UGT1A4: variants seen among roughly 807,000 people sequenced by gnomAD.
The protein encoded by UGT1A4 is UDP-glucuronosyltransferase 1A4.
In UGT1A4, 32 loss-of-function variants were observed where a neutral mutation model predicts 41.1. That is an observed-to-expected ratio of 0.78 (90% CI 0.59 to 1.05). The LOEUF (loss-of-function observed/expected upper bound fraction) is 1.05, where lower values mean the gene tolerates loss of function less well. Ranked by LOEUF, UGT1A4 falls within the 50% of genes least tolerant of loss-of-function variation. The probability of loss-of-function intolerance (pLI) is 0.00; values close to 1 mark genes in which losing one functional copy is unlikely to be tolerated. For synonymous variants in UGT1A4, 283 were observed against 265.1 expected (o/e 1.07, Z -0.66); for missense variants, 748 against 677.4 (o/e 1.10, Z -1.16).
intron 1 of UGT1A4, chr2:233,756,022 T>C (rs1696092015): frequency 6.6e-6 from 1 of 152,142 alleles, no homozygotes; most frequent in Non-Finnish European, 1.5e-5. Context: ...ATATTACACA[T>C]CCCCCATGTA....
intron 1 of UGT1A4, among the ~76,000 whole-genome samples, chr2:233,756,699 T>C (rs1393034568): frequency 2.0e-5 from 3 of 152,130 alleles, no homozygotes; most frequent in Non-Finnish European, 4.4e-5. Flanking sequence ...ACGATGAATT[T>C]TGGGGGGACT....
At chr2:233,743,832 T>C in intron 1 of UGT1A4, 4 of 1,367,252 alleles carry the variant, frequency 2.9e-6, no homozygotes, top group South Asian at 2.3e-5. Context: ...GGGTGCCACT[T>C]GAGCGCCAGC....
chr2:233,733,707 C>G (rs1270578849), intron 1 of UGT1A4, among the ~76,000 whole-genome samples: 1 of 152,160 alleles, frequency 6.6e-6, no homozygotes, highest in Non-Finnish European at 1.5e-5. Context: ...ATTTGGTTTG[C>G]AGAATTTTAC....
chr2:233,732,744 C>T (rs1207999893), intron 1 of UGT1A4, among the ~76,000 whole-genome samples: 2 of 150,716 alleles, frequency 1.3e-5, no homozygotes, highest in Non-Finnish European at 2.9e-5. Context: ...TAGCATGATG[C>T]CACCAGCTTT....
chr2:233,747,991 A>G (rs532442400), intron 1 of UGT1A4: 1 of 1,612,870 alleles, frequency 6.2e-7, no homozygotes, highest in Non-Finnish European at 8.5e-7. Context: ...TTCCGAGGGG[A>G]CTTTGTGATG....
At chr2:233,763,561 T>A (rs1698343622) in intron 1 of UGT1A4, among the ~76,000 whole-genome samples, 1 of 152,248 alleles carries the variant, frequency 6.6e-6, no homozygotes, top group Admixed American at 6.5e-5. Context: ...GTCAAGTTAC[T>A]GTTCTTATTT....
At chr2:233,738,547 G>T (rs1209764817) in intron 1 of UGT1A4, among the ~76,000 whole-genome samples, 1 of 152,216 alleles carries the variant, frequency 6.6e-6, no homozygotes, top group African/African-American at 2.4e-5. Context: ...CTGAGTCTCA[G>T]ATAGAGATGA....
At chr2:233,755,244 C>T (rs952358626) in intron 1 of UGT1A4, 19 of 852,102 alleles carry the variant, frequency 2.2e-5, no homozygotes, top group African/African-American at 5.1e-5. Flanking sequence ...CCGGGGTACT[C>T]CCAGCACCTC....
At chr2:233,765,256 G>A (rs1698788052) in intron 1 of UGT1A4, among the ~76,000 whole-genome samples, 1 of 152,096 alleles carries the variant, frequency 6.6e-6, no homozygotes, top group African/African-American at 2.4e-5. Flanking sequence ...CCATTACTGG[G>A]TATATACCCA....
At position 233,772,297 on chromosome 2, in the gene UGT1A4, A is replaced by G; in HGVS notation, c.1343A>G (p.His448Arg). ...AACATCATGCGCCTCTCCAGCCTTC[A>G]CAAGGACCGCCCGGTGGAGCCGCTG... is the stretch of plus-strand genomic sequence containing the variant. ...KENIMRLSSL[H>R]KDRPVEPLDL... Residue 448 changes from histidine to arginine, a missense_variant, in exon 5 of 5, where the codon CAC becomes CGC. Coordinates refer to ENST00000373409, the MANE Select transcript of UGT1A4 (RefSeq NM_007120.3). The G allele has an allele frequency of 1.2e-6, 2 of 1,614,224 alleles. No homozygotes were observed. The highest frequency in any genetic ancestry group is 1.7e-6 in the Non-Finnish European group (2 of 1,180,032).
chr2:233,749,470 C>T (rs7604115), intron 1 of UGT1A4, among the ~76,000 whole-genome samples: 55,875 of 151,612 alleles, frequency 0.37, 10,826 homozygotes, highest in African/African-American at 0.42. Context: ...GGAACTGTGG[C>T]ACAGATCACT....
intron 1 of UGT1A4, chr2:233,761,022 G>A (rs749651784): frequency 1.2e-6 from 2 of 1,614,120 alleles, no homozygotes; most frequent in Non-Finnish European, 1.7e-6. Context: ...TGACTGTCCA[G>A]GACCTATTGA....
chr2:233,722,026 G>T, intron 1 of UGT1A4: 1 of 245,738 alleles, frequency 4.1e-6, no homozygotes, highest in Non-Finnish European at 8.2e-6. Context: ...GAAACCTCTT[G>T]AATTGCATGA....
intron 1 of UGT1A4, chr2:233,755,014 G>A (rs1575730324): frequency 1.5e-6 from 2 of 1,293,190 alleles, no homozygotes; most frequent in Non-Finnish European, 2.1e-6. Context: ...TACTCGAAGG[G>A]GTCCTTGAAG....
At chr2:233,770,387 C>CT (rs1226328342) in intron 4 of UGT1A4, 1 of 152,208 alleles carries the variant, frequency 6.6e-6, no homozygotes, top group Non-Finnish European at 1.5e-5. Flanking sequence ...GGTACGGTGG[C>CT]TCATGCCTGT....
Position 233,760,681 on chromosome 2 carries a change from C to A in UGT1A4, c.868-6353C>A, listed in dbSNP as rs769242961. The A allele has an allele frequency of 2.5e-6, 4 of 1,614,246 alleles. No homozygotes were observed. In the South Asian group the frequency reaches 4.4e-5, roughly 18 times the overall value. On this transcript the variant is annotated intron_variant, in intron 1 of 4. Transcript: ENST00000373409. ...TTTGTCTGGCTGTTCCCACTTACTG[C>A]ACAACAAGGAGCTCATGGCCTCCCT... is the stretch of plus-strand genomic sequence containing the variant.
intron 1 of UGT1A4, among the ~76,000 whole-genome samples, chr2:233,725,714 T>C (rs572434706): frequency 1.3e-5 from 2 of 152,238 alleles, no homozygotes; most frequent in East Asian, 3.8e-4. Flanking sequence ...GTGACTACCA[T>C]ATGGTCAATG....
intron 1 of UGT1A4, among the ~76,000 whole-genome samples, chr2:233,744,983 A>G (rs1224917598): frequency 1.3e-5 from 2 of 151,846 alleles, no homozygotes; most frequent in African/African-American, 4.9e-5. Flanking sequence ...GCCTCTAGTC[A>G]TCTCTTGATT....
At chr2:233,745,540 A>C (rs952908361) in intron 1 of UGT1A4, among the ~76,000 whole-genome samples, 1 of 151,766 alleles carries the variant, frequency 6.6e-6, no homozygotes, top group African/African-American at 2.4e-5. Flanking sequence ...TTATGTCACC[A>C]GAACAAACTT....
Sources: gnomAD v4.1 joint callset for allele counts (sites outside exome capture counted in the v4.1 genomes callset) on GRCh38, gnomAD v4.1.1 for gene constraint, MANE v1.5 for transcripts, NCBI Gene and HGNC (gene_info 2026-07-23, HGNC 2026-07-21) for gene names.